ADH6: variants seen among roughly 807,000 people sequenced by gnomAD.
ADH6 encodes alcohol dehydrogenase 6 (class V).
In ADH6, 34 loss-of-function variants were observed where a neutral mutation model predicts 36.5. The ratio of observed to expected loss-of-function variants is 0.93; its 90% CI spans 0.71 to 1.24. The LOEUF is 1.24. Ranked by LOEUF, ADH6 falls within the 50% of genes most tolerant of loss-of-function variation. The probability of loss-of-function intolerance (pLI) is 0.00; values close to 1 mark genes in which losing one functional copy is unlikely to be tolerated. For missense variants in ADH6, 440 were observed against 447.0 expected (o/e 0.98, Z 0.14); for synonymous variants, 161 against 155.5 (o/e 1.04, Z -0.26).
At chr4:99,214,698 A>G (rs1047430566) in intron 2 of ADH6, among the ~76,000 whole-genome samples, 2 of 152,170 alleles carry the variant, frequency 1.3e-5, no homozygotes, top group South Asian at 4.1e-4. Context: ...TGAAGTTTGC[A>G]TACACATAGC....
intron 7 of ADH6, among the ~76,000 whole-genome samples, chr4:99,205,833 C>A (rs527903700): frequency 2.0e-5 from 3 of 152,128 alleles, no homozygotes; most frequent in African/African-American, 7.2e-5. Flanking sequence ...GTGTTCTATG[C>A]GGATTATTCT....
rs1730937960 is a variant in ADH6 at position 99,204,058 on chromosome 4, T to A, written c.*161A>T. ...TTACGTAAGAACAATTTTGATGAAA[T>A]GGTTAGGTCAGAAGCCAGATATAGG... On this transcript the variant is annotated 3_prime_UTR_variant, in exon 9 of 9. Coordinates refer to ENST00000394899, the MANE Select transcript of ADH6 (RefSeq NM_001102470.2). 1.3e-6 allele frequency: 1 copy of A among 750,518 alleles called. No homozygotes were observed. Among genetic ancestry groups the A allele is most frequent in the Admixed American group, 3.6e-5 (1 of 27,812 alleles). 46.5% of individuals were successfully genotyped at this position (750,518 alleles called of 1,614,324 possible).
Position 99,217,360 on chromosome 4 carries a change from C to T in ADH6, c.19-1098G>A, listed in dbSNP as rs550973117. On this transcript the variant is annotated intron_variant, in intron 1 of 8. Coordinates refer to ENST00000394899, the MANE Select transcript of ADH6 (RefSeq NM_001102470.2). ...CATGTTTGTACCTTTTCACCCACTTCTCATCATCCTCTCCACTCACCCTTC... is the reference window on the plus strand; with the variant it reads ...CATGTTTGTACCTTTTCACCCACTTTTCATCATCCTCTCCACTCACCCTTC... Among the ~76,000 whole-genome samples the T allele has an allele frequency of 8.5e-5, 13 of 152,258 alleles. No homozygotes were observed. In the South Asian group the frequency reaches 2.7e-3, roughly 32 times the overall value.
rs5860569 is a variant in ADH6, at chr4:99,206,569, C to CT, written c.964+876dup. Among the ~76,000 whole-genome samples the CT allele has an allele frequency of 5.9e-3, 871 of 147,138 alleles. 13 individuals are homozygous for CT. Among genetic ancestry groups the CT allele is most frequent in the African/African-American group, 0.02 (811 of 40,270 alleles). On this transcript the variant is annotated intron_variant, in intron 7 of 8. Coordinates refer to ENST00000394899, the MANE Select transcript of ADH6 (RefSeq NM_001102470.2). ...GATTATATATATAACTGGATTATTACTTTTTTTTTTTTGCTGGTCCTGCCA... is the reference window on the plus strand; with the variant it reads ...GATTATATATATAACTGGATTATTACTTTTTTTTTTTTTGCTGGTCCTGCCA...
In ADH6 at chr4:99,203,968, GT is replaced by G; in HGVS notation, c.*250del. 2.1e-6 allele frequency: 1 copy of G among 468,170 alleles called. No homozygotes were observed. The highest frequency in any genetic ancestry group is 3.7e-6 in the Non-Finnish European group (1 of 267,004). 29.0% of individuals were successfully genotyped at this position (468,170 alleles called of 1,614,324 possible). On this transcript the variant is annotated 3_prime_UTR_variant, in exon 9 of 9. Coordinates refer to ENST00000394899, the MANE Select transcript of ADH6 (RefSeq NM_001102470.2). ...ACCTTTTATGTCTGAAGGATGTGGA[GT>G]TGAGTGATTCAAGCCAACCTTAATC...
chr4:99,210,167 A>G lies in ADH6; in HGVS notation c.482T>C (p.Ile161Thr), dbSNP rs1048604241. 3.1e-6 allele frequency: 5 copies of G among 1,613,726 alleles called. No homozygotes were observed. The highest frequency in any genetic ancestry group is 4.2e-6 in the Non-Finnish European group (5 of 1,179,846). ...TTTCTCTAGAGGAGCGACTGCATCA[A>G]TCTTGGCAACTGAGATTTCCTTTAT... ...TVIKEISVAK[I>T]DAVAPLEKVC... The change falls in exon 5 of 9, where the codon ATT becomes ACT. Residue 161 changes from isoleucine to threonine, a missense_variant. Physicochemically the swap from Ile to Thr is moderately conservative, Grantham distance 89 (BLOSUM62 -1). Coordinates refer to ENST00000394899, the MANE Select transcript of ADH6 (RefSeq NM_001102470.2).
intron 1 of ADH6, among the ~76,000 whole-genome samples, chr4:99,217,781 G>A (rs1286162263): frequency 6.6e-6 from 1 of 152,148 alleles, no homozygotes; most frequent in Non-Finnish European, 1.5e-5. Flanking sequence ...GAATAAAGTG[G>A]CCTGGTGGCT....
chr4:99,216,135 A>ATTTTTTTTTT (rs34008565), intron 2 of ADH6, 26 bp downstream of exon 2: 7 of 865,284 alleles, frequency 8.1e-6, no homozygotes, highest in East Asian at 7.1e-5. Flanking sequence ...TTTTGGTGTG[A>ATTTTTTTTTT]TTTTTTTTTT....
At chr4:99,215,209 A>G (rs1731362934) in intron 2 of ADH6, among the ~76,000 whole-genome samples, 1 of 152,212 alleles carries the variant, frequency 6.6e-6, no homozygotes, top group African/African-American at 2.4e-5. Flanking sequence ...TGCTTACTCC[A>G]TAGGGGATGT....
At chr4:99,217,747 G>T (rs1377084179) in intron 1 of ADH6, among the ~76,000 whole-genome samples, 1 of 152,122 alleles carries the variant, frequency 6.6e-6, no homozygotes, top group African/African-American at 2.4e-5. Context: ...GGGATTGCAG[G>T]TGTCATACTT....
In ADH6 at chr4:99,202,914, T is replaced by G. The variant is rs1730906416; in HGVS notation, c.*1305A>C. ...GTGAATAGGTTTCATAGCACCCATCTCCTCTATTTGAAGGAAGCAGGCCCC... is the reference window on the plus strand; with the variant it reads ...GTGAATAGGTTTCATAGCACCCATCGCCTCTATTTGAAGGAAGCAGGCCCC... On this transcript the variant is annotated 3_prime_UTR_variant, in exon 9 of 9. Transcript: ENST00000394899. 2.5e-6 allele frequency: 1 copy of G among 396,040 alleles called. No individual in the cohort carries two copies. The highest frequency in any genetic ancestry group is 2.1e-5 in the African/African-American group (1 of 48,482). The allele number at this position is 396,040 out of a possible 1,614,324, so 24.5% of individuals were successfully genotyped here.
chr4:99,204,195 G>A lies in ADH6; in HGVS notation c.*24C>T, dbSNP rs1730941323. ...CATTGAGTTGGTGAAATATCCTTTG[G>A]GTCTTGCATGTATTACATTGTACTT... On this transcript the variant is annotated 3_prime_UTR_variant, in exon 9 of 9. Coordinates refer to ENST00000394899, the MANE Select transcript of ADH6 (RefSeq NM_001102470.2). 2 of 1,592,406 alleles carry A rather than the reference G, an allele frequency of 1.3e-6. No homozygotes were observed. The highest frequency in any genetic ancestry group is 2.7e-5 in the African/African-American group (2 of 74,078).
intron 3 of ADH6, 120 bp from the exon 4 acceptor site, chr4:99,210,622 C>G: frequency 1.4e-6 from 1 of 733,378 alleles, no homozygotes; most frequent in Non-Finnish European, 2.3e-6. Context: ...ATTATTTCCA[C>G]ATTCAGTTGT....
Position 99,210,078 on chromosome 4 carries a change from T to C in ADH6, c.567+4A>G. 6.2e-7 allele frequency: 1 copy of C among 1,613,158 alleles called. No homozygotes were observed. Among genetic ancestry groups the C allele is most frequent in the Non-Finnish European group, 8.5e-7 (1 of 1,179,502 alleles). Reference sequence around the variant, plus strand: ...CCTTCCAAATGGGTATAAATGCCCCTCACCTTGGCAGTATTGATTGCAGCA... The same window carrying C: ...CCTTCCAAATGGGTATAAATGCCCCCCACCTTGGCAGTATTGATTGCAGCA... On this transcript the variant is annotated splice_donor_region_variant and intron_variant, in intron 5 of 8. Transcript: ENST00000394899.
Position 99,208,823 on chromosome 4 carries a change from C to T in ADH6, c.673G>A (p.Val225Ile). 1 of 1,613,838 alleles carries T rather than the reference C, an allele frequency of 6.2e-7. No individual in the cohort carries two copies. The highest frequency in any genetic ancestry group is 8.5e-7 in the Non-Finnish European group (1 of 1,179,832). ...AGAARIIGVDVNKEKFKKAQE... is the reference protein window; with the variant it reads ...AGAARIIGVDINKEKFKKAQE... ...GCCTTCTTAAATTTCTCCTTGTTGA[C>T]ATCCACTCCAATGATCCTGGCTGCT... is the stretch of plus-strand genomic sequence containing the variant. The change falls in exon 6 of 9, where the codon GTC (valine) becomes ATC (isoleucine). Residue 225 changes from valine (V) to isoleucine (I), a missense_variant. Physicochemically the swap from Val to Ile is conservative, Grantham distance 29. Coordinates refer to ENST00000394899, the MANE Select transcript of ADH6 (RefSeq NM_001102470.2).
intron 2 of ADH6, 26 bp downstream of exon 2, chr4:99,216,135 A>ATTTTTTTTTTTTT (rs34008565): frequency 2.2e-5 from 19 of 865,286 alleles, no homozygotes; most frequent in South Asian, 5.8e-5. Context: ...TTTTGGTGTG[A>ATTTTTTTTTTTTT]TTTTTTTTTT....
intron 7 of ADH6, 57 bp from the exon 8 acceptor site, chr4:99,205,120 G>A (rs373417307): frequency 5.4e-6 from 8 of 1,483,776 alleles, no homozygotes; most frequent in Admixed American, 2.4e-5. Context: ...TAAAGGAAAG[G>A]TCATTCAAAG....
At position 99,208,719 on chromosome 4, in the gene ADH6, T is replaced by C; in HGVS notation, c.777A>G (p.Thr259=). Residue 259 remains threonine, a synonymous_variant, in exon 6 of 9, where the codon ACA becomes ACG. Coordinates refer to ENST00000394899, the MANE Select transcript of ADH6 (RefSeq NM_001102470.2). ...CAAAGCAGAAGTCTATACCAGCATCTGTCATATCAAATAAAACTTCTTGAA... is the reference window on the plus strand; with the variant it reads ...CAAAGCAGAAGTCTATACCAGCATCCGTCATATCAAATAAAACTTCTTGAA... The part of the protein sequence containing the change: ...KPIQEVLFDM[T]DAGIDFCFEA... 6.2e-7 allele frequency: 1 copy of C among 1,613,850 alleles called. No homozygotes were observed. Among genetic ancestry groups the C allele is most frequent in the Non-Finnish European group, 8.5e-7 (1 of 1,179,778 alleles).
chr4:99,204,264 A>G lies in ADH6; in HGVS notation c.1104-21T>C, dbSNP rs748989669. ...GGATACTGAAAAAAAGAAGAAGAGA[A>G]AAAAGGTTGGAACATTTTTAGAGCA... On this transcript the variant is annotated intron_variant, in intron 8 of 8. Transcript: ENST00000394899. The G allele has an allele frequency of 3.1e-6, 5 of 1,598,094 alleles. No homozygotes were observed. The Admixed American group carries it at 6.7e-5, about 22-fold the overall frequency.
Sources: gnomAD v4.1 joint callset for allele counts (sites outside exome capture counted in the v4.1 genomes callset) on GRCh38, gnomAD v4.1.1 for gene constraint, MANE v1.5 for transcripts, NCBI Gene and HGNC (gene_info 2026-07-23, HGNC 2026-07-21) for gene names.